Variants in NR2F1-AS1 observed in about 807,000 individuals in gnomAD.
NR2F1-AS1 encodes the protein NR2F1 regulatory antisense RNA 1.
intron 4 of NR2F1-AS1, among the ~76,000 whole-genome samples, chr5:93,541,348 C>T (rs992191335): frequency 6.6e-6 from 1 of 152,198 alleles, no homozygotes; most frequent in Non-Finnish European, 1.5e-5. Flanking sequence ...TGAGTTCTCA[C>T]TATACTTTTT....
intron 4 of NR2F1-AS1, among the ~76,000 whole-genome samples, chr5:93,494,525 G>A (rs1750919158): frequency 6.6e-6 from 1 of 152,062 alleles, no homozygotes; most frequent in Non-Finnish European, 1.5e-5. Flanking sequence ...CAAGGCTCAA[G>A]AATCACTTGA....
At chr5:93,506,180 G>A (rs560270280) in intron 4 of NR2F1-AS1, among the ~76,000 whole-genome samples, 162 of 152,178 alleles carry the variant, frequency 1.1e-3, no homozygotes, top group African/African-American at 3.0e-3. Context: ...TTGCTAAAAC[G>A]TAACAAGAGT....
intron 4 of NR2F1-AS1, among the ~76,000 whole-genome samples, chr5:93,474,092 T>C (rs1241866990): frequency 1.3e-5 from 2 of 152,140 alleles, no homozygotes; most frequent in East Asian, 3.8e-4. Flanking sequence ...ACTAAATCAG[T>C]TGAGTTAAAC....
intron 4 of NR2F1-AS1, among the ~76,000 whole-genome samples, chr5:93,478,328 T>A (rs1750529445): frequency 6.6e-6 from 1 of 152,226 alleles, no homozygotes. Context: ...ATCCTCCCAA[T>A]GAAGACATCC....
intron 1 of NR2F1-AS1, among the ~76,000 whole-genome samples, chr5:93,568,847 T>G (rs1409201341): frequency 6.6e-6 from 1 of 152,168 alleles, no homozygotes; most frequent in Non-Finnish European, 1.5e-5. Flanking sequence ...AAATGTTTAT[T>G]TTAGGGGAGA....
intron 1 of NR2F1-AS1, chr5:93,570,486 G>A (rs1752727878): frequency 6.6e-6 from 1 of 152,266 alleles, no homozygotes; most frequent in South Asian, 2.1e-4. Context: ...AGATTGGCGG[G>A]GACCCACTCA....
chr5:93,552,019 T>C (rs1029433546), intron 4 of NR2F1-AS1, among the ~76,000 whole-genome samples: 2 of 152,200 alleles, frequency 1.3e-5, no homozygotes, highest in African/African-American at 2.4e-5. Flanking sequence ...TCACCTTTTC[T>C]TTCCTATTTA....
intron 4 of NR2F1-AS1, among the ~76,000 whole-genome samples, chr5:93,474,049 A>G (rs1750429094): frequency 6.6e-6 from 1 of 152,164 alleles, no homozygotes; most frequent in Non-Finnish European, 1.5e-5. Flanking sequence ...ATTATTAACC[A>G]GAACATAATT....
intron 4 of NR2F1-AS1, among the ~76,000 whole-genome samples, chr5:93,451,836 AC>A (rs1749837580): frequency 6.6e-6 from 1 of 152,198 alleles, no homozygotes; most frequent in Non-Finnish European, 1.5e-5. Flanking sequence ...CGTAATCAAG[AC>A]ATAATTTTGA....
chr5:93,449,619 T>C (rs770337082), intron 4 of NR2F1-AS1, among the ~76,000 whole-genome samples: 5 of 152,226 alleles, frequency 3.3e-5, no homozygotes, highest in Admixed American at 1.3e-4. Context: ...CAATTTACTA[T>C]AAATCTTACT....
chr5:93,578,980 G>A (rs1752958247), intron 1 of NR2F1-AS1, among the ~76,000 whole-genome samples: 1 of 152,190 alleles, frequency 6.6e-6, no homozygotes, highest in African/African-American at 2.4e-5. Context: ...CAGGAACTAA[G>A]CTGACCTCTC....
chr5:93,582,611 T>A (rs1351388249), upstream of NR2F1-AS1, among the ~76,000 whole-genome samples: 3 of 152,158 alleles, frequency 2.0e-5, no homozygotes, highest in Admixed American at 6.6e-5. Context: ...CCATTAAAAA[T>A]TTTTCCAAAC....
intron 4 of NR2F1-AS1, among the ~76,000 whole-genome samples, chr5:93,526,507 C>T (rs1751618536): frequency 6.6e-6 from 1 of 152,152 alleles, no homozygotes; most frequent in Non-Finnish European, 1.5e-5. Flanking sequence ...AGACCAGGGT[C>T]ATCCTGATAC....
chr5:93,433,669 G>A (rs1198862925), intron 4 of NR2F1-AS1, among the ~76,000 whole-genome samples: 1 of 152,134 alleles, frequency 6.6e-6, no homozygotes, highest in Admixed American at 6.5e-5. Context: ...GCCTGAAGTA[G>A]GATGCTTTTG....
chr5:93,567,643 T>C (rs1202945510), intron 1 of NR2F1-AS1, among the ~76,000 whole-genome samples: 2 of 152,172 alleles, frequency 1.3e-5, no homozygotes, highest in South Asian at 2.1e-4. Flanking sequence ...TGTTTTTATA[T>C]ACCAAATCAG....
Position 93,416,901 on chromosome 5 carries a change from G to A in NR2F1-AS1, n.639-21359C>T, listed in dbSNP as rs779288027. On this transcript the variant is annotated intron_variant and non_coding_transcript_variant, in intron 4 of 5. Transcript: ENST00000660523. ...TAAAATTAGCTCAACACTTATTTTA[G>A]GTAATATTTACCTGGCATTTATGAA... Among the ~76,000 whole-genome samples, 7 of 152,116 alleles carry A rather than the reference G, an allele frequency of 4.6e-5. No individual in the cohort carries two copies. The East Asian group carries it at 9.6e-4, about 21-fold the overall frequency.
chr5:93,502,692 T>C (rs904044180), intron 4 of NR2F1-AS1, among the ~76,000 whole-genome samples: 1 of 152,020 alleles, frequency 6.6e-6, no homozygotes, highest in African/African-American at 2.4e-5. Context: ...TTTTGCCAGT[T>C]CTCTGCCAAA....
intron 4 of NR2F1-AS1, among the ~76,000 whole-genome samples, chr5:93,448,916 C>T (rs1025035680): frequency 6.6e-6 from 1 of 152,132 alleles, no homozygotes; most frequent in Non-Finnish European, 1.5e-5. Flanking sequence ...TATCTGGGCA[C>T]CCTGTGGTAC....
chr5:93,441,598 T>C (rs139405756), intron 4 of NR2F1-AS1, among the ~76,000 whole-genome samples: 156 of 152,340 alleles, frequency 1.0e-3, no homozygotes, highest in African/African-American at 3.5e-3. Flanking sequence ...CTCAACTTTA[T>C]AACCAAGTTC....
Sources: gnomAD v4.1 joint callset for allele counts (sites outside exome capture counted in the v4.1 genomes callset) on GRCh38, gnomAD v4.1.1 for gene constraint, MANE v1.5 for transcripts, NCBI Gene and HGNC (gene_info 2026-07-23, HGNC 2026-07-21) for gene names.